Variants in ASIC2 observed in about 807,000 individuals in gnomAD.
ASIC2 encodes the protein acid-sensing ion channel 2.
In ASIC2, 25 loss-of-function variants were observed where a neutral mutation model predicts 57.3. The observed-to-expected ratio is 0.44, with a 90% confidence interval of 0.32 to 0.61. The LOEUF is 0.61. ASIC2 is among the 20% of genes least tolerant of loss of function. The probability of loss-of-function intolerance (pLI) is 0.06; values close to 1 mark genes in which losing one functional copy is unlikely to be tolerated. For missense variants in ASIC2, 641 were observed against 738.1 expected (o/e 0.87, Z 1.52); for synonymous variants, 319 against 307.5 (o/e 1.04, Z -0.39).
intron 3 of ASIC2, among the ~76,000 whole-genome samples, chr17:33,038,076 T>A (rs11654444): frequency 0.52 from 78,608 of 151,984 alleles, 21,592 homozygotes; most frequent in African/African-American, 0.7. Context: ...CTCGAACTCC[T>A]CTCTTTCATG....
intron 1 of ASIC2, among the ~76,000 whole-genome samples, chr17:33,249,451 G>T (rs1377192855): frequency 6.6e-6 from 1 of 152,174 alleles, no homozygotes; most frequent in Non-Finnish European, 1.5e-5. Context: ...CGAGGGTAGA[G>T]AAAGAAGGGA....
intron 1 of ASIC2, among the ~76,000 whole-genome samples, chr17:33,727,127 G>A (rs534836796): frequency 3.3e-5 from 5 of 152,008 alleles, no homozygotes; most frequent in African/African-American, 1.2e-4. Context: ...CTCCTAAATG[G>A]AACTCTACTC....
intron 1 of ASIC2, among the ~76,000 whole-genome samples, chr17:33,578,510 G>A (rs569577905): frequency 1.3e-5 from 2 of 152,248 alleles, no homozygotes; most frequent in South Asian, 2.1e-4. Flanking sequence ...GGGACGGATA[G>A]AAGAATAAAG....
chr17:33,553,706 C>T (rs1262266352), intron 1 of ASIC2, among the ~76,000 whole-genome samples: 2 of 152,126 alleles, frequency 1.3e-5, no homozygotes, highest in Non-Finnish European at 2.9e-5. Context: ...GTACTATGTG[C>T]TTTCCATCTT....
intron 1 of ASIC2, among the ~76,000 whole-genome samples, chr17:33,720,083 T>G (rs1285323982): frequency 6.6e-6 from 1 of 152,162 alleles, no homozygotes; most frequent in African/African-American, 2.4e-5. Flanking sequence ...GAAGTCTTAT[T>G]ATCTTGCCAA....
intron 1 of ASIC2, among the ~76,000 whole-genome samples, chr17:33,228,433 G>A (rs1873507595): frequency 6.6e-6 from 1 of 152,250 alleles, no homozygotes; most frequent in South Asian, 2.1e-4. Flanking sequence ...TGAGGCTGCA[G>A]GTCCTCCCGA....
At chr17:33,980,963 A>ATTTTTTTT in intron 1 of ASIC2, 1 of 89,806 alleles carries the variant, frequency 1.1e-5, no homozygotes, top group African/African-American at 4.7e-5. Flanking sequence ...TTTAGACAGA[A>ATTTTTTTT]TCTTGCTCTG....
chr17:33,686,527 C>A (rs1908200311), intron 1 of ASIC2, among the ~76,000 whole-genome samples: 1 of 152,214 alleles, frequency 6.6e-6, no homozygotes, highest in African/African-American at 2.4e-5. Context: ...CCACCTGAAA[C>A]CCCCTCAGGC....
At chr17:33,683,447 C>T (rs1427599118) in intron 1 of ASIC2, among the ~76,000 whole-genome samples, 3 of 152,224 alleles carry the variant, frequency 2.0e-5, no homozygotes, top group Non-Finnish European at 4.4e-5. Context: ...ACATGGCTCA[C>T]TGCAGCCTTG....
rs949428070 is a variant in ASIC2, at chr17:33,596,787, T to C, written c.556-484720A>G. Among the ~76,000 whole-genome samples the C allele has an allele frequency of 7.2e-5, 11 of 152,364 alleles. No homozygotes were observed. In the East Asian group the frequency reaches 1.9e-3, roughly 27 times the overall value. On this transcript the variant is annotated intron_variant, in intron 1 of 9. Transcript: ENST00000359872. Reference sequence around the variant, plus strand: ...TCTTTTATGCTAACAGAGTGGCTTATGCTCTTGAAAGCCTTTTCATAGACA... The same window carrying C: ...TCTTTTATGCTAACAGAGTGGCTTACGCTCTTGAAAGCCTTTTCATAGACA...
chr17:33,845,049 T>C (rs1224168697), intron 1 of ASIC2, among the ~76,000 whole-genome samples: 1 of 152,230 alleles, frequency 6.6e-6, no homozygotes, highest in Admixed American at 6.5e-5. Context: ...ATTGAAAATA[T>C]GAACAGATTA....
Position 33,291,501 on chromosome 17 carries a change from G to A in ASIC2, c.615C>T (p.Ala205=). ...LPPRHFEGIS[A]AFMDRLGHQL... is the part of the protein sequence containing the mutation. ...GGTGGCCCAGGCGGTCCATGAAGGC[G>A]GCGCTGATTCCCTCGAAGTGGCGCG... is the stretch of plus-strand genomic sequence containing the variant. Residue 205 remains alanine, a synonymous_variant, in exon 1 of 10, where the codon GCC becomes GCT. Coordinates refer to ENST00000225823, the MANE Select transcript of ASIC2 (RefSeq NM_183377.2). 6.2e-7 allele frequency: 1 copy of A among 1,612,714 alleles called. No individual in the cohort carries two copies. Among genetic ancestry groups the A allele is most frequent in the Non-Finnish European group, 8.5e-7 (1 of 1,179,788 alleles).
intron 1 of ASIC2, among the ~76,000 whole-genome samples, chr17:33,433,752 T>C (rs1253924335): frequency 6.6e-6 from 1 of 151,174 alleles, no homozygotes; most frequent in African/African-American, 2.4e-5. Context: ...TTTGTTTGTT[T>C]CAAAAAACAA....
At chr17:33,097,052 G>A (rs1444289432) in intron 2 of ASIC2, among the ~76,000 whole-genome samples, 1 of 152,232 alleles carries the variant, frequency 6.6e-6, no homozygotes, top group African/African-American at 2.4e-5. Context: ...GCCACACAAA[G>A]CAGATCCAGA....
At chr17:33,345,954 G>A (rs1405365320) in intron 1 of ASIC2, among the ~76,000 whole-genome samples, 1 of 152,020 alleles carries the variant, frequency 6.6e-6, no homozygotes, top group Non-Finnish European at 1.5e-5. Flanking sequence ...GGCCAGGCGT[G>A]GTGGCTAAAC....
At chr17:34,060,886 T>C (rs1298966828) in intron 1 of ASIC2, among the ~76,000 whole-genome samples, 2 of 152,082 alleles carry the variant, frequency 1.3e-5, no homozygotes, top group African/African-American at 4.8e-5. Flanking sequence ...TCAGTGTTCC[T>C]GAGGAAGAAG....
chr17:34,108,855 C>T (rs374806487), intron 1 of ASIC2, among the ~76,000 whole-genome samples: 3 of 151,956 alleles, frequency 2.0e-5, no homozygotes, highest in Admixed American at 6.6e-5. Flanking sequence ...ACTTATTGAC[C>T]CTTATATGTT....
intron 7 of ASIC2, among the ~76,000 whole-genome samples, chr17:33,018,115 T>G (rs1317572634): frequency 2.0e-5 from 3 of 152,162 alleles, no homozygotes; most frequent in Non-Finnish European, 4.4e-5. Flanking sequence ...CGGCATGGGC[T>G]TCAGGGCCAC....
intron 1 of ASIC2, among the ~76,000 whole-genome samples, chr17:33,648,114 G>A (rs1190041897): frequency 6.6e-6 from 1 of 152,176 alleles, no homozygotes; most frequent in African/African-American, 2.4e-5. Context: ...TGAAGATGAG[G>A]TGAATGTAGT....
Sources: gnomAD v4.1 joint callset for allele counts (sites outside exome capture counted in the v4.1 genomes callset) on GRCh38, gnomAD v4.1.1 for gene constraint, MANE v1.5 for transcripts, NCBI Gene and HGNC (gene_info 2026-07-23, HGNC 2026-07-21) for gene names.